Variants in FHIP2A observed in about 807,000 individuals in gnomAD.
The protein encoded by FHIP2A is family with sequence similarity 160 member B1.
In FHIP2A, 46 loss-of-function variants were observed where a neutral mutation model predicts 93.5. The observed-to-expected ratio is 0.49, with a 90% CI of 0.39 to 0.63. The LOEUF (loss-of-function observed/expected upper bound fraction) is 0.63. Among genes scored for constraint, FHIP2A ranks in the 20% least tolerant of loss-of-function variants. The pLI is 0.00. For missense variants in FHIP2A, 769 were observed against 909.7 expected (o/e 0.85, Z 1.99); for synonymous variants, 332 against 326.5 (o/e 1.02, Z -0.18).
chr10:114,883,784 T>C (rs918506781), intron 16 of FHIP2A, among the ~76,000 whole-genome samples: 2 of 152,180 alleles, frequency 1.3e-5, no homozygotes, highest in Non-Finnish European at 2.9e-5. Flanking sequence ...TTCTTCATGT[T>C]GGTCAGGCTG....
Position 114,856,102 on chromosome 10 carries a change from G to A in FHIP2A, c.1947+762G>A, listed in dbSNP as rs1037819471. Among the ~76,000 whole-genome samples the A allele has an allele frequency of 1.8e-4, 27 of 152,180 alleles. 1 individual carries two copies. Among genetic ancestry groups the A allele is most frequent in the African/African-American group, 7.2e-5 (3 of 41,460 alleles). On this transcript the variant is annotated intron_variant, in intron 14 of 16. Coordinates refer to ENST00000369248, the MANE Select transcript of FHIP2A (RefSeq NM_020940.4). ...AATTTTCAACTGTATGTTAAAGTAC[G>A]TGTTCTTTTTTTAGCATTTTAGTTA...
intron 16 of FHIP2A, among the ~76,000 whole-genome samples, chr10:114,893,923 G>A (rs2083987877): frequency 6.6e-6 from 1 of 152,126 alleles, no homozygotes; most frequent in South Asian, 2.1e-4. Context: ...AGAGACAGGA[G>A]AAAATACACC....
chr10:114,822,007 C>G lies in FHIP2A; in HGVS notation c.-72C>G. On this transcript the variant is annotated 5_prime_UTR_variant, in exon 1 of 17. Transcript: ENST00000369248. ...TCTGGAGCGGCCCCGGCAGCCGCAG[C>G]AGGGGCGGCGGCGGCGGATCGAGGA... 9.5e-7 allele frequency: 1 copy of G among 1,055,074 alleles called. No individual in the cohort carries two copies. The highest frequency in any genetic ancestry group is 1.2e-6 in the Non-Finnish European group (1 of 816,380). The allele number at this position is 1,055,074 out of a possible 1,614,324, so 65.4% of individuals were successfully genotyped here.
At chr10:114,845,225 T>C in intron 7 of FHIP2A, 142 bp from the exon 8 acceptor site, 1 of 505,288 alleles carries the variant, frequency 2.0e-6, no homozygotes, top group Non-Finnish European at 3.6e-6. Context: ...CAGAATCCTC[T>C]TCTCACTGTC....
intron 14 of FHIP2A, 46 bp from the exon 15 acceptor site, chr10:114,860,703 G>T (rs1235927884): frequency 2.1e-6 from 3 of 1,425,576 alleles, no homozygotes; most frequent in Middle Eastern, 3.5e-4. Flanking sequence ...AAGCACACCG[G>T]TATACATTAT....
At chr10:114,844,651 A>G (rs921544841) in intron 7 of FHIP2A, among the ~76,000 whole-genome samples, 1 of 152,050 alleles carries the variant, frequency 6.6e-6, no homozygotes, top group African/African-American at 2.4e-5. Flanking sequence ...GTAGATCCCC[A>G]TTTACCGTTC....
intron 1 of FHIP2A, among the ~76,000 whole-genome samples, chr10:114,822,669 GC>G (rs1337619293): frequency 2.6e-5 from 4 of 152,236 alleles, no homozygotes; most frequent in African/African-American, 7.2e-5. Context: ...CCGCCGACCA[GC>G]CCCCGGGTTG....
rs927483371 is a variant in FHIP2A, at chr10:114,836,221, C to G, written c.497C>G (p.Pro166Arg). 6.3e-7 allele frequency: 1 copy of G among 1,596,662 alleles called. No individual in the cohort carries two copies. The highest frequency in any genetic ancestry group is 8.6e-7 in the Non-Finnish European group (1 of 1,168,092). ...CIVCAKLKQD[P>R]YLVNFFLENK... ...GTGTGTGCGAAGCTGAAACAGGACC[C>G]CTACCTGGTTAACTTTTTCCTAGAG... Residue 166 changes from proline to arginine, a missense_variant, in exon 5 of 17, where the codon CCC becomes CGC. Pro to Arg is a moderately radical substitution (Grantham distance 103, BLOSUM62 -2). Coordinates refer to ENST00000369248, the MANE Select transcript of FHIP2A (RefSeq NM_020940.4).
chr10:114,884,640 C>T (rs1453446180), intron 16 of FHIP2A, among the ~76,000 whole-genome samples: 10 of 151,994 alleles, frequency 6.6e-5, no homozygotes, highest in African/African-American at 2.2e-4. Context: ...TGGCCGGGCG[C>T]GGTGGCTCAC....
At chr10:114,871,999 A>G (rs2083862430) in intron 16 of FHIP2A, among the ~76,000 whole-genome samples, 1 of 152,226 alleles carries the variant, frequency 6.6e-6, no homozygotes, top group African/African-American at 2.4e-5. Context: ...AGACTCTGAT[A>G]AGTCCGCCCA....
At position 114,864,328 on chromosome 10, in the gene FHIP2A, A is replaced by T; in HGVS notation, c.*2788A>T. On this transcript the variant is annotated 3_prime_UTR_variant, in exon 17 of 17. Coordinates refer to ENST00000369248, the MANE Select transcript of FHIP2A (RefSeq NM_020940.4). ...GAAGACGTTACAGTGAAGTGCTAAA[A>T]CCACACTATATGGTAATTATATTTT... 1 of 985,706 alleles carries T rather than the reference A, an allele frequency of 1.0e-6. No individual in the cohort carries two copies. Among genetic ancestry groups the T allele is most frequent in the Non-Finnish European group, 1.2e-6 (1 of 829,786 alleles). The allele number at this position is 985,706 out of a possible 1,614,324, so 61.1% of individuals were successfully genotyped here. A position where few individuals can be genotyped will look rare whatever the true frequency, so the allele number is the denominator to read the frequency against.
intron 1 of FHIP2A, among the ~76,000 whole-genome samples, chr10:114,824,593 T>C (rs1344356594): frequency 6.6e-6 from 1 of 152,236 alleles, no homozygotes; most frequent in Non-Finnish European, 1.5e-5. Flanking sequence ...TAACCTTTTT[T>C]TCCCCCCTTT....
intron 16 of FHIP2A, among the ~76,000 whole-genome samples, chr10:114,879,715 CA>C (rs1389794052): frequency 2.1e-4 from 32 of 152,218 alleles, no homozygotes; most frequent in Admixed American, 2.0e-3. Flanking sequence ...GTTTTTCAGA[CA>C]GGGTCTCGCT....
At chr10:114,895,117 C>G (rs1190420649) in intron 16 of FHIP2A, among the ~76,000 whole-genome samples, 6 of 152,084 alleles carry the variant, frequency 3.9e-5, no homozygotes, top group African/African-American at 1.4e-4. Context: ...ATGTGTTTGT[C>G]TTGGGTTTGT....
downstream of FHIP2A, among the ~76,000 whole-genome samples, chr10:114,865,442 A>G (rs1224526732): frequency 2.6e-5 from 4 of 152,188 alleles, no homozygotes; most frequent in Non-Finnish European, 5.9e-5. Flanking sequence ...ACAAACATGT[A>G]ATACACAGCA....
chr10:114,871,041 C>T (rs978344244), intron 16 of FHIP2A, among the ~76,000 whole-genome samples: 5 of 150,274 alleles, frequency 3.3e-5, no homozygotes, highest in South Asian at 2.1e-4. Flanking sequence ...TATACACATA[C>T]ATATACATAC....
chr10:114,826,415 ATAAT>A (rs2083576454), intron 1 of FHIP2A, among the ~76,000 whole-genome samples: 1 of 152,262 alleles, frequency 6.6e-6, no homozygotes, highest in Admixed American at 6.5e-5. Context: ...ATAAAGGGAA[ATAAT>A]TAAACCTATC....
At chr10:114,823,962 CAG>C (rs2083558845) in intron 1 of FHIP2A, among the ~76,000 whole-genome samples, 2 of 152,122 alleles carry the variant, frequency 1.3e-5, no homozygotes. Context: ...AAAAATTCTG[CAG>C]AGTTCCAAAA....
At position 114,836,040 on chromosome 10, in the gene FHIP2A, A is replaced by G. The variant is rs528762320; in HGVS notation, c.400-84A>G. Reference sequence around the variant, plus strand: ...TTTGCATTATATGAAAAATTTAAATATCCTTAAGGTAAATGAATGGTTATT... The same window carrying G: ...TTTGCATTATATGAAAAATTTAAATGTCCTTAAGGTAAATGAATGGTTATT... On this transcript the variant is annotated intron_variant, in intron 4 of 16. Transcript: ENST00000369248. 9.8e-6 allele frequency: 10 copies of G among 1,019,208 alleles called. No individual in the cohort carries two copies. The African/African-American group carries it at 1.4e-4, about 15-fold the overall frequency. The allele number at this position is 1,019,208 out of a possible 1,614,324, so 63.1% of individuals were successfully genotyped here.
Sources: allele counts gnomAD v4.1 joint callset (sites outside exome capture counted in the v4.1 genomes callset), GRCh38; gene constraint gnomAD v4.1.1; transcripts MANE v1.5; gene names NCBI Gene and HGNC (gene_info 2026-07-23, HGNC 2026-07-21).